The following SUMF1 variants were observed in gnomAD, a reference collection of about 807,000 sequenced individuals.
SUMF1 encodes the protein sulfatase modifying factor 1.
SUMF1 carries 48 observed loss-of-function variants against 47.6 expected under a neutral mutation model. The observed-to-expected ratio is 1.01, with a 90% CI of 0.80 to 1.28. The LOEUF is 1.28. Ranked by LOEUF, SUMF1 falls within the 50% of genes most tolerant of loss-of-function variation. The pLI, the probability that SUMF1 is intolerant of heterozygous loss-of-function variation, is 0.00. For missense variants in SUMF1, 571 were observed against 485.4 expected, an observed-to-expected ratio of 1.18 and a Z score of -1.66; for synonymous variants, 230 against 192.1, an observed-to-expected ratio of 1.20 and a Z score of -1.63.
intron 8 of SUMF1, among the ~76,000 whole-genome samples, chr3:4,234,931 G>C (rs1696376620): frequency 6.6e-6 from 1 of 152,166 alleles, no homozygotes; most frequent in South Asian, 2.1e-4. Context: ...ATGTGTGTGT[G>C]TATCCACATA....
At chr3:4,268,165 TCACAGG>T (rs1443644253) in intron 8 of SUMF1, among the ~76,000 whole-genome samples, 2 of 151,738 alleles carry the variant, frequency 1.3e-5, no homozygotes, top group East Asian at 3.9e-4. Context: ...ATATTCTCAC[TCACAGG>T]TGGGAACTGA....
chr3:4,113,306 A>G lies in SUMF1; in HGVS notation c.1015-44561T>C, dbSNP rs57245858. Among the ~76,000 whole-genome samples, 1,086 of 152,198 alleles carry G rather than the reference A, an allele frequency of 7.1e-3. 25 individuals are homozygous for G. Among genetic ancestry groups the G allele is most frequent in the African/African-American group, 0.025 (1,042 of 41,506 alleles). On this transcript the variant is annotated intron_variant and NMD_transcript_variant, in intron 8 of 12. Transcript: ENST00000448413. Reference sequence around the variant, plus strand: ...TACTTTGGGAGGCCAAGGCAGGAGGATTGCTTGAGGCCAGGAGTTCAACCA... The same window carrying G: ...TACTTTGGGAGGCCAAGGCAGGAGGGTTGCTTGAGGCCAGGAGTTCAACCA...
chr3:4,221,417 GTGTGT>G (rs1559582222), intron 8 of SUMF1, among the ~76,000 whole-genome samples: 12 of 12,884 alleles, frequency 9.3e-4, no homozygotes, highest in Non-Finnish European at 1.8e-3. Flanking sequence ...TTTTTGGGGT[GTGTGT>G]GTGTGTGTGT....
At chr3:4,085,771 T>C (rs950455543) in intron 8 of SUMF1, among the ~76,000 whole-genome samples, 1 of 152,146 alleles carries the variant, frequency 6.6e-6, no homozygotes, top group Admixed American at 6.6e-5. Context: ...ACATGAGACA[T>C]GCAGTTGTTT....
At chr3:4,268,884 G>T (rs1213616789) in intron 8 of SUMF1, among the ~76,000 whole-genome samples, 1 of 152,130 alleles carries the variant, frequency 6.6e-6, no homozygotes, top group African/African-American at 2.4e-5. Flanking sequence ...GAATGTGTGT[G>T]TGTGTGCGTG....
intron 8 of SUMF1, among the ~76,000 whole-genome samples, chr3:4,137,059 T>C (rs980932308): frequency 5.9e-5 from 9 of 152,050 alleles, no homozygotes; most frequent in African/African-American, 2.2e-4. Flanking sequence ...TGGAAGACAG[T>C]GTGGCGATTC....
intron 9 of SUMF1, among the ~76,000 whole-genome samples, chr3:4,063,294 G>A (rs1695303874): frequency 6.6e-6 from 1 of 151,988 alleles, no homozygotes. Flanking sequence ...AGGACCAAGA[G>A]CCAGCCTTAC....
At chr3:4,039,616 C>G (rs1309320694) in intron 9 of SUMF1, among the ~76,000 whole-genome samples, 1 of 147,766 alleles carries the variant, frequency 6.8e-6, no homozygotes, top group Non-Finnish European at 1.5e-5. Flanking sequence ...TTAATCCAGT[C>G]TATCATTGTT....
At chr3:4,145,412 G>T (rs1311119932) in intron 8 of SUMF1, among the ~76,000 whole-genome samples, 1 of 152,060 alleles carries the variant, frequency 6.6e-6, no homozygotes, top group Non-Finnish European at 1.5e-5. Flanking sequence ...TTGTGGGAAA[G>T]ATCTCCTTAT....
rs56729932 is a variant in SUMF1, at chr3:4,423,279, T to TACACACAC, written c.520-3141_520-3134dup. Among the ~76,000 whole-genome samples the TACACACAC allele has an allele frequency of 8.5e-3, 1,253 of 147,212 alleles. 19 individuals are homozygous for TACACACAC. Among genetic ancestry groups the TACACACAC allele is most frequent in the African/African-American group, 0.022 (877 of 39,498 alleles). ...CAACAAGTGAATAAAGAAACTGTGA[T>TACACACAC]ACACACACACACACACACACACACA... is the stretch of plus-strand genomic sequence containing the variant. On this transcript the variant is annotated intron_variant, in intron 3 of 8. Transcript: ENST00000272902.
chr3:4,090,867 C>T (rs1433250988), intron 8 of SUMF1, among the ~76,000 whole-genome samples: 4 of 151,744 alleles, frequency 2.6e-5, no homozygotes, highest in Non-Finnish European at 4.4e-5. Flanking sequence ...GATGGGAGGC[C>T]GAGGCAGGTG....
intron 8 of SUMF1, chr3:4,316,072 A>G (rs1698629746): frequency 1.9e-6 from 1 of 527,598 alleles, no homozygotes; most frequent in Non-Finnish European, 3.4e-6. Flanking sequence ...AAAAAAAGTA[A>G]CAGTTTTTGC....
chr3:4,222,157 T>G (rs1433785650), intron 8 of SUMF1, among the ~76,000 whole-genome samples: 1 of 152,020 alleles, frequency 6.6e-6, no homozygotes, highest in South Asian at 2.1e-4. Context: ...CTAGTAGCAG[T>G]TATCTTTGGT....
intron 8 of SUMF1, among the ~76,000 whole-genome samples, chr3:4,183,557 A>G (rs527467551): frequency 2.9e-4 from 44 of 152,264 alleles, no homozygotes; most frequent in African/African-American, 1.0e-3. Context: ...GCTGATTCAG[A>G]CCTAATTTAA....
downstream of SUMF1, among the ~76,000 whole-genome samples, chr3:4,357,158 T>C (rs1281491168): frequency 1.3e-5 from 2 of 152,128 alleles, no homozygotes; most frequent in East Asian, 3.8e-4. Context: ...ATGTTAATAT[T>C]TGTTGGAAGG....
At chr3:4,288,420 G>C in intron 8 of SUMF1, among the ~76,000 whole-genome samples, 1 of 151,972 alleles carries the variant, frequency 6.6e-6, no homozygotes. Flanking sequence ...CATTCTGAAA[G>C]AATTACTATC....
intron 8 of SUMF1, chr3:4,303,906 C>T: frequency 1.6e-6 from 2 of 1,223,952 alleles, no homozygotes; most frequent in Non-Finnish European, 2.1e-6. Context: ...GGATCGCAGC[C>T]GGTGTCGTGC....
At chr3:4,197,510 T>C (rs1170830962) in intron 8 of SUMF1, among the ~76,000 whole-genome samples, 1 of 152,132 alleles carries the variant, frequency 6.6e-6, no homozygotes, top group Non-Finnish European at 1.5e-5. Context: ...GGAAAGGTTT[T>C]GAGGAAGGAA....
intron 8 of SUMF1, among the ~76,000 whole-genome samples, chr3:4,142,869 C>G (rs1354148267): frequency 6.6e-6 from 1 of 151,998 alleles, no homozygotes; most frequent in African/African-American, 2.4e-5. Context: ...ATGTTCATCT[C>G]AAAGACTTTC....
Sources: allele counts gnomAD v4.1 joint callset (sites outside exome capture counted in the v4.1 genomes callset), GRCh38; gene constraint gnomAD v4.1.1; transcripts MANE v1.5; gene names NCBI Gene and HGNC (gene_info 2026-07-23, HGNC 2026-07-21).